TMEM114: variants seen among roughly 807,000 people sequenced by gnomAD.
TMEM114 encodes transmembrane protein 114, also known as claudin-26.
In TMEM114, 6 loss-of-function variants were observed where a neutral mutation model predicts 6.2. The ratio of observed to expected loss-of-function variants is 0.97; its 90% CI spans 0.53 to 1.91. The LOEUF (loss-of-function observed/expected upper bound fraction) is 1.91, where lower values mean the gene tolerates loss of function less well. Among genes scored for constraint, TMEM114 ranks in the 40% most tolerant of loss-of-function variants. TMEM114 has a pLI of 0.01. For missense variants in TMEM114, 218 were observed against 158.3 expected (o/e 1.38, Z -2.02); for synonymous variants, 104 against 73.0 (o/e 1.42, Z -2.16).
intron 3 of TMEM114, 134 bp from the exon 4 acceptor site, chr16:8,570,139 C>G: frequency 8.1e-7 from 1 of 1,231,488 alleles, no homozygotes. Flanking sequence ...GACCTTTGCG[C>G]GTGCTAGTCT....
At chr16:8,548,493 C>A (rs562959018) in intron 2 of TMEM114, among the ~76,000 whole-genome samples, 10 of 152,170 alleles carry the variant, frequency 6.6e-5, no homozygotes, top group Admixed American at 2.0e-4. Flanking sequence ...CTAATCGTCA[C>A]CCCACACACA....
At chr16:8,588,859 C>T (rs992757858) in intron 2 of TMEM114, among the ~76,000 whole-genome samples, 33 of 152,350 alleles carry the variant, frequency 2.2e-4, no homozygotes, top group African/African-American at 7.7e-4. Context: ...CAGGGGCTTC[C>T]CACCTTCCCT....
At chr16:8,527,909 T>A in the TMEM114 span, among the ~76,000 whole-genome samples, 1 of 152,212 alleles carries the variant, frequency 6.6e-6, no homozygotes, top group African/African-American at 2.4e-5. Flanking sequence ...CTTCTTTTTT[T>A]ATTTGTTTGT....
In TMEM114 at chr16:8,562,326, G is replaced by C. The variant is rs568837124; in HGVS notation, n.213-24500C>G. On this transcript the variant is annotated intron_variant and non_coding_transcript_variant, in intron 2 of 2. Transcript: ENST00000623677. ...TGAGTAAATGAGTGAGTGAGGGAGG[G>C]AGGGAATGAGTGAATGAGTGAGTGA... is the stretch of plus-strand genomic sequence containing the variant. 2.1e-3 allele frequency among the ~76,000 whole-genome samples: 310 copies of C among 148,730 alleles called. 2 individuals carry two copies. Among genetic ancestry groups the C allele is most frequent in the African/African-American group, 6.9e-3 (279 of 40,188 alleles).
At chr16:8,562,526 T>TGAGTGAGTGAGGG (rs1465142445) in intron 2 of TMEM114, among the ~76,000 whole-genome samples, 104 of 127,262 alleles carry the variant, frequency 8.2e-4, no homozygotes, top group African/African-American at 2.7e-3. Flanking sequence ...ATGAGTGAGT[T>TGAGTGAGTGAGGG]AATGAGTGAG....
the TMEM114 span, among the ~76,000 whole-genome samples, chr16:8,529,501 G>C: frequency 6.6e-6 from 1 of 152,232 alleles, no homozygotes; most frequent in Non-Finnish European, 1.5e-5. Context: ...CTACGACTGT[G>C]GTCCTCAGAT....
chr16:8,589,109 C>G, intron 2 of TMEM114, 104 bp downstream of exon 2: 1 of 396,584 alleles, frequency 2.5e-6, no homozygotes, highest in Non-Finnish European at 4.4e-6. Context: ...GCCACCCCAG[C>G]CGCCCTCTCC....
chr16:8,537,600 T>C (rs542771270), downstream of TMEM114: 3 of 152,366 alleles, frequency 2.0e-5, no homozygotes, highest in East Asian at 5.8e-4. Context: ...TAAACATTCT[T>C]CCCAATTCAT....
At chr16:8,543,328 G>C (rs1367158079) in intron 2 of TMEM114, among the ~76,000 whole-genome samples, 17 of 152,058 alleles carry the variant, frequency 1.1e-4, no homozygotes, top group Non-Finnish European at 1.5e-5. Flanking sequence ...AGAACCCAAA[G>C]ACCAAGGTCC....
chr16:8,560,204 C>T (rs551295101), intron 2 of TMEM114, among the ~76,000 whole-genome samples: 1 of 151,828 alleles, frequency 6.6e-6, no homozygotes, highest in Admixed American at 6.6e-5. Context: ...TGCTATGTTG[C>T]TTAGGCTGGG....
chr16:8,563,090 T>G (rs936279045), intron 2 of TMEM114, among the ~76,000 whole-genome samples: 75 of 144,696 alleles, frequency 5.2e-4, no homozygotes, highest in Non-Finnish European at 7.9e-4. Flanking sequence ...AATGAGTGAG[T>G]GAGGGAGGGA....
In TMEM114 at chr16:8,569,548, C is replaced by T; in HGVS notation, c.*225G>A. ...TTCTCGCGAAGCGGTTTGGCACTCC[C>T]TCGGGCTCCTCCAGGCCACACGGAC... On this transcript the variant is annotated 3_prime_UTR_variant, in exon 4 of 4. Coordinates refer to ENST00000620492, the MANE Select transcript of TMEM114 (RefSeq NM_001146336.2). The T allele has an allele frequency of 7.1e-7, 1 of 1,410,234 alleles. No individual in the cohort carries two copies. The highest frequency in any genetic ancestry group is 9.2e-7 in the Non-Finnish European group (1 of 1,085,176). The allele number at this position is 1,410,234 out of a possible 1,614,324, so 87.4% of individuals were successfully genotyped here. A position where few individuals can be genotyped will look rare whatever the true frequency, so the allele number is the denominator to read the frequency against.
At chr16:8,534,471 A>G (rs1233311038), downstream of TMEM114, among the ~76,000 whole-genome samples, 1 of 152,156 alleles carries the variant, frequency 6.6e-6, no homozygotes, top group Non-Finnish European at 1.5e-5. Flanking sequence ...GCTAATCATG[A>G]GCCAAATTCT....
chr16:8,561,548 C>T (rs989124610), intron 2 of TMEM114, among the ~76,000 whole-genome samples: 25 of 152,292 alleles, frequency 1.6e-4, no homozygotes, highest in Middle Eastern at 6.8e-3. Flanking sequence ...TTTCAAACAG[C>T]ACCTGGCACA....
chr16:8,573,436 C>T (rs1046535003), intron 2 of TMEM114, among the ~76,000 whole-genome samples: 19 of 152,026 alleles, frequency 1.2e-4, no homozygotes, highest in African/African-American at 3.4e-4. Context: ...GTGGAAAAGA[C>T]GAATGACAAG....
intron 2 of TMEM114, among the ~76,000 whole-genome samples, chr16:8,538,676 T>G (rs1269623222): frequency 6.6e-6 from 1 of 151,906 alleles, no homozygotes; most frequent in Non-Finnish European, 1.5e-5. Flanking sequence ...CCCAGCTAAT[T>G]TTTGTATTTT....
At chr16:8,577,006 T>C (rs1027031002) in intron 2 of TMEM114, among the ~76,000 whole-genome samples, 1 of 152,310 alleles carries the variant, frequency 6.6e-6, no homozygotes. Context: ...GACCTTCCAT[T>C]TGAGGCAGTA....
chr16:8,567,463 A>C (rs541351681), downstream of TMEM114, among the ~76,000 whole-genome samples: 48 of 152,336 alleles, frequency 3.2e-4, no homozygotes, highest in Non-Finnish European at 6.5e-4. Flanking sequence ...CCTGAGGTGC[A>C]CACATGTTTT....
chr16:8,528,862 G>A, the TMEM114 span, among the ~76,000 whole-genome samples: 1 of 152,214 alleles, frequency 6.6e-6, no homozygotes, highest in Non-Finnish European at 1.5e-5. Context: ...GTGTGAATTT[G>A]CAAGGCATTC....
Sources: allele counts gnomAD v4.1 joint callset (sites outside exome capture counted in the v4.1 genomes callset), GRCh38; gene constraint gnomAD v4.1.1; transcripts MANE v1.5; gene names NCBI Gene and HGNC (gene_info 2026-07-23, HGNC 2026-07-21).